Variants in PLA2G4E observed in about 807,000 individuals in gnomAD.
PLA2G4E encodes the protein phospholipase A2 group IVE, also known as cytosolic phospholipase A2 epsilon.
A neutral mutation model predicts 109.1 loss-of-function variants in PLA2G4E; 84 were observed. That is an observed-to-expected ratio of 0.77 (90% CI 0.65 to 0.92). PLA2G4E has a LOEUF of 0.92. Among genes scored for constraint, PLA2G4E ranks in the 40% least tolerant of loss-of-function variants. The pLI, the probability that PLA2G4E is intolerant of heterozygous loss-of-function variation, is 0.00. For missense variants in PLA2G4E, 1,057 were observed against 1,076.6 expected (o/e 0.98, Z 0.25); for synonymous variants, 469 against 436.1 (o/e 1.08, Z -0.94).
intron 1 of PLA2G4E, among the ~76,000 whole-genome samples, chr15:42,039,067 G>A (rs1400849411): frequency 2.0e-5 from 3 of 152,106 alleles, no homozygotes; most frequent in African/African-American, 7.2e-5. Flanking sequence ...ACTAATCCAT[G>A]TTCTTGGGAC....
chr15:41,986,057 T>C, intron 17 of PLA2G4E, 52 bp from the exon 18 acceptor site: 4 of 1,538,768 alleles, frequency 2.6e-6, no homozygotes, highest in South Asian at 1.2e-5. Context: ...TGACAGCCAA[T>C]GGACAGAGGC....
intron 1 of PLA2G4E, chr15:42,050,488 G>A: frequency 6.5e-7 from 1 of 1,540,134 alleles, no homozygotes; most frequent in Non-Finnish European, 8.8e-7. Flanking sequence ...AAATTTAAGG[G>A]ACCAGACCCC....
intron 16 of PLA2G4E, among the ~76,000 whole-genome samples, chr15:41,987,713 G>A (rs1338532501): frequency 1.3e-5 from 2 of 152,126 alleles, no homozygotes; most frequent in African/African-American, 2.4e-5. Context: ...AGGCCTTGGC[G>A]CTGGTGTCAC....
At chr15:42,012,676 T>C (rs931777947) in intron 2 of PLA2G4E, among the ~76,000 whole-genome samples, 12 of 152,226 alleles carry the variant, frequency 7.9e-5, no homozygotes, top group Non-Finnish European at 8.8e-5. Flanking sequence ...CCTCTGCCTC[T>C]AAACTCCCTG....
chr15:41,997,009 G>T, intron 11 of PLA2G4E, 115 bp downstream of exon 11: 1 of 1,346,734 alleles, frequency 7.4e-7, no homozygotes, highest in Non-Finnish European at 9.8e-7. Flanking sequence ...TACCTCAGCA[G>T]TAAAAGCATC....
chr15:41,996,105 G>C (rs948772493), intron 11 of PLA2G4E, among the ~76,000 whole-genome samples: 15 of 152,088 alleles, frequency 9.9e-5, no homozygotes. Flanking sequence ...CCAGCACTTT[G>C]GGGGGCCGAG....
intron 1 of PLA2G4E, 99 bp from the exon 2 acceptor site, chr15:42,013,856 G>T: frequency 1.4e-6 from 1 of 711,088 alleles, no homozygotes; most frequent in Non-Finnish European, 2.2e-6. Context: ...GGCCGGCCCA[G>T]TTGCATTACA....
intron 3 of PLA2G4E, 84 bp downstream of exon 3, chr15:42,007,645 A>T: frequency 1.4e-6 from 2 of 1,478,212 alleles, no homozygotes; most frequent in Non-Finnish European, 1.9e-6. Context: ...AGGCATAAGA[A>T]CACAGAGGCA....
At position 42,001,144 on chromosome 15, in the gene PLA2G4E, C is replaced by A; in HGVS notation, c.673+13G>T. On this transcript the variant is annotated intron_variant, in intron 7 of 19. Transcript: ENST00000399518. Reference sequence around the variant, plus strand: ...CTTGTCCCCCAGTAGGCAGAAAAGGCAAAACAGCTCACTTTTCTCCCTCTT... The same window carrying A: ...CTTGTCCCCCAGTAGGCAGAAAAGGAAAAACAGCTCACTTTTCTCCCTCTT... 1 of 1,610,780 alleles carries A rather than the reference C, an allele frequency of 6.2e-7. No individual in the cohort carries two copies. The highest frequency in any genetic ancestry group is 8.5e-7 in the Non-Finnish European group (1 of 1,177,128).
At position 42,024,946 on chromosome 15, in the gene PLA2G4E, A is replaced by C. The variant is rs919060404; in HGVS notation, c.184-11189T>G. On this transcript the variant is annotated intron_variant, in intron 1 of 19. Coordinates refer to ENST00000399518, the Ensembl canonical transcript of PLA2G4E. ...CCAGGCGCGGTGGCTCACGCCTGTA[A>C]TCCCAGCACTTTGGGAGGCTGAGGT... 3.3e-5 allele frequency among the ~76,000 whole-genome samples: 5 copies of C among 152,274 alleles called. No individual in the cohort carries two copies. In the East Asian group the frequency reaches 7.7e-4, roughly 24 times the overall value.
intron 3 of PLA2G4E, 47 bp downstream of exon 3, chr15:42,007,682 G>C (rs962268633): frequency 1.3e-6 from 2 of 1,583,856 alleles, no homozygotes; most frequent in East Asian, 2.3e-5. Flanking sequence ...GGCAAGAGGG[G>C]AGTAAAATGC....
chr15:41,986,715 C>A (rs1412614877), intron 17 of PLA2G4E, among the ~76,000 whole-genome samples: 1 of 151,990 alleles, frequency 6.6e-6, no homozygotes. Context: ...GAGATGGGGT[C>A]TCACCATATT....
chr15:42,026,739 G>A (rs1049490555), intron 1 of PLA2G4E, among the ~76,000 whole-genome samples: 1 of 152,132 alleles, frequency 6.6e-6, no homozygotes, highest in South Asian at 2.1e-4. Flanking sequence ...GTGAGAGGCC[G>A]AGGTGGGAGG....
At chr15:41,999,329 A>C (rs138194982) in intron 10 of PLA2G4E, among the ~76,000 whole-genome samples, 195 bp downstream of exon 10, 1 of 152,286 alleles carries the variant, frequency 6.6e-6, no homozygotes, top group East Asian at 1.9e-4. Flanking sequence ...AAAAAACACA[A>C]ATAACCCACA....
chr15:42,010,345 C>A, intron 2 of PLA2G4E: 1 of 330,736 alleles, frequency 3.0e-6, no homozygotes. Flanking sequence ...TAAATAAAAA[C>A]TCAGTATTTT....
At chr15:41,987,248 A>T in exon 17 of PLA2G4E, 1 of 1,614,028 alleles carries the variant, frequency 6.2e-7, no homozygotes, top group Non-Finnish European at 8.5e-7. Context: ...TGTGAAACTC[A>T]GACACGAAGG....
intron 13 of PLA2G4E, among the ~76,000 whole-genome samples, chr15:41,991,772 T>G (rs1421951275): frequency 6.6e-6 from 1 of 152,176 alleles, no homozygotes; most frequent in Admixed American, 6.5e-5. Context: ...CAAGTTCTGA[T>G]TTGAATTCAG....
At chr15:42,036,960 G>A (rs1459897900) in intron 1 of PLA2G4E, among the ~76,000 whole-genome samples, 1 of 152,232 alleles carries the variant, frequency 6.6e-6, no homozygotes, top group Non-Finnish European at 1.5e-5. Context: ...AGCACCGTGG[G>A]GCCGAGTCCA....
exon 17 of PLA2G4E, chr15:41,987,248 A>G (rs749113314): frequency 1.9e-6 from 3 of 1,613,910 alleles, no homozygotes; most frequent in African/African-American, 2.7e-5. Context: ...TGTGAAACTC[A>G]GACACGAAGG....
Sources: gnomAD v4.1 joint callset for allele counts (sites outside exome capture counted in the v4.1 genomes callset) on GRCh38, gnomAD v4.1.1 for gene constraint, MANE v1.5 for transcripts, NCBI Gene and HGNC (gene_info 2026-07-23, HGNC 2026-07-21) for gene names.